GLRA1: variants seen among roughly 807,000 people sequenced by gnomAD.
GLRA1 encodes glycine receptor alpha 1.
A neutral mutation model predicts 48.3 loss-of-function variants in GLRA1; 37 were observed. The ratio of observed to expected loss-of-function variants is 0.77; its 90% confidence interval spans 0.59 to 1.01. The LOEUF (loss-of-function observed/expected upper bound fraction) is 1.01. GLRA1 is among the 50% of genes least tolerant of loss of function. GLRA1 has a pLI of 0.00. For missense variants in GLRA1, 427 were observed against 571.0 expected (o/e 0.75, Z 2.57); for synonymous variants, 196 against 210.7 (o/e 0.93, Z 0.60).
intron 7 of GLRA1, chr5:151,850,477 A>G (rs560680421): frequency 1.5e-5 from 16 of 1,040,366 alleles, no homozygotes; most frequent in Admixed American, 5.1e-5. Context: ...AATGGTCTGA[A>G]GTACACTGAG....
chr5:151,830,742 G>A (rs1452101931), intron 7 of GLRA1, among the ~76,000 whole-genome samples: 2 of 152,142 alleles, frequency 1.3e-5, no homozygotes, highest in East Asian at 1.9e-4. Flanking sequence ...CGAACTTTAC[G>A]GAATTAATTC....
chr5:151,877,886 A>G (rs1046439724), intron 3 of GLRA1, among the ~76,000 whole-genome samples: 51 of 152,340 alleles, frequency 3.3e-4, no homozygotes, highest in African/African-American at 1.2e-3. Flanking sequence ...TATCAGCAGC[A>G]TGAAAATGGA....
intron 8 of GLRA1, among the ~76,000 whole-genome samples, chr5:151,827,029 GTTTT>G (rs199505206): frequency 0.01 from 1,319 of 126,786 alleles, 21 homozygotes; most frequent in African/African-American, 0.036. Flanking sequence ...CTTTCTTTCT[GTTTT>G]TTTTTTTTTT....
intron 3 of GLRA1, among the ~76,000 whole-genome samples, chr5:151,866,785 A>T (rs1052072138): frequency 6.6e-6 from 1 of 152,028 alleles, no homozygotes; most frequent in African/African-American, 2.4e-5. Flanking sequence ...TCTACCACAC[A>T]AAATTGAAAG....
rs148032326 is a variant in GLRA1, at chr5:151,921,366, C to T, written c.56+3128G>A. 1.5e-4 allele frequency among the ~76,000 whole-genome samples: 23 copies of T among 152,308 alleles called. No individual in the cohort carries two copies. The East Asian group carries it at 3.9e-3, about 26-fold the overall frequency. The stretch of plus-strand genomic sequence containing the variant: ...CTGTACTGTGGTTTGAAACCTTGGA[C>T]AATTTTGTCTCCCCTTTGCCCAGGA... On this transcript the variant is annotated intron_variant, in intron 1 of 8. Coordinates refer to ENST00000274576, the MANE Select transcript of GLRA1 (RefSeq NM_000171.4).
chr5:151,856,421 C>T, intron 4 of GLRA1, 38 bp from the exon 5 acceptor site: 1 of 1,329,256 alleles, frequency 7.5e-7, no homozygotes. Context: ...GCAGGATCTG[C>T]ACATCAGGGA....
At chr5:151,853,381 G>A (rs561555766) in intron 6 of GLRA1, among the ~76,000 whole-genome samples, 2 of 151,814 alleles carry the variant, frequency 1.3e-5, no homozygotes, top group African/African-American at 4.8e-5. Flanking sequence ...AAGTAGCTGG[G>A]ATTACAGGTA....
At chr5:151,909,967 C>T (rs969339939) in intron 1 of GLRA1, among the ~76,000 whole-genome samples, 2 of 152,102 alleles carry the variant, frequency 1.3e-5, no homozygotes, top group African/African-American at 4.8e-5. Context: ...TCCAGTCACC[C>T]TGATGAGAGT....
intron 2 of GLRA1, among the ~76,000 whole-genome samples, chr5:151,889,991 A>G (rs1486894080): frequency 6.6e-6 from 1 of 152,156 alleles, no homozygotes; most frequent in African/African-American, 2.4e-5. Flanking sequence ...ATTGGGCCCA[A>G]GTGTTCCGAG....
Position 151,856,321 on chromosome 5 carries a change from C to A in GLRA1, c.539G>T (p.Cys180Phe). 6.2e-7 allele frequency: 1 copy of A among 1,611,210 alleles called. No individual in the cohort carries two copies. The highest frequency in any genetic ancestry group is 8.5e-7 in the Non-Finnish European group (1 of 1,177,752). ...LKNFPMDVQT[C>F]IMQLESFGYT... The stretch of plus-strand genomic sequence containing the variant: ...CTCACAGCTTTCCAGTTGCATGATA[C>A]ATGTCTGGACATCCATGGGGAAATT... Residue 180 changes from cysteine to phenylalanine, a missense_variant, in exon 5 of 9, where the codon TGT becomes TTT. Coordinates refer to ENST00000274576, the MANE Select transcript of GLRA1 (RefSeq NM_000171.4).
chr5:151,887,106 C>A (rs898529349), intron 2 of GLRA1, among the ~76,000 whole-genome samples: 2 of 152,204 alleles, frequency 1.3e-5, no homozygotes, highest in Non-Finnish European at 2.9e-5. Context: ...GGCTGCCTTT[C>A]AGCCACAAAT....
At chr5:151,894,426 T>C (rs945276889) in intron 1 of GLRA1, among the ~76,000 whole-genome samples, 30 of 152,308 alleles carry the variant, frequency 2.0e-4, no homozygotes, top group African/African-American at 6.0e-4. Context: ...TCTCCCAAAC[T>C]GAACACTACA....
Position 151,850,025 on chromosome 5 carries a change from G to A in GLRA1, c.912+1365C>T, listed in dbSNP as rs1041948596. ...GCAGTGACCAATTTGAGGCACACTTGTAAGTGGATAATGGACATGGTGAGC... is the reference window on the plus strand; with the variant it reads ...GCAGTGACCAATTTGAGGCACACTTATAAGTGGATAATGGACATGGTGAGC... On this transcript the variant is annotated intron_variant, in intron 7 of 8. Coordinates refer to ENST00000274576, the MANE Select transcript of GLRA1 (RefSeq NM_000171.4). 139 of 1,603,532 alleles carry A rather than the reference G, an allele frequency of 8.7e-5. 1 individual carries two copies. In the South Asian group the frequency reaches 1.5e-3, roughly 17 times the overall value.
At chr5:151,844,053 C>A (rs1752590645) in intron 7 of GLRA1, among the ~76,000 whole-genome samples, 1 of 151,246 alleles carries the variant, frequency 6.6e-6, no homozygotes, top group Non-Finnish European at 1.5e-5. Flanking sequence ...GCCTGTAATC[C>A]CAGCTACTGG....
chr5:151,865,003 G>T (rs1753294734), intron 3 of GLRA1, among the ~76,000 whole-genome samples: 1 of 152,172 alleles, frequency 6.6e-6, no homozygotes, highest in South Asian at 2.1e-4. Flanking sequence ...TCTGGAATTA[G>T]AACTTGGCTC....
At chr5:151,850,424 A>C in intron 7 of GLRA1, 1 of 1,184,480 alleles carries the variant, frequency 8.4e-7, no homozygotes, top group Non-Finnish European at 1.3e-6. Context: ...GGAAGTGTTC[A>C]GGCTGCCATA....
chr5:151,861,594 ATTTG>A (rs1753205998), intron 3 of GLRA1, among the ~76,000 whole-genome samples: 1 of 152,110 alleles, frequency 6.6e-6, no homozygotes, highest in African/African-American at 2.4e-5. Flanking sequence ...TTGCTTGTAA[ATTTG>A]TTTGAGTTCT....
At chr5:151,885,677 T>C (rs528451984) in intron 3 of GLRA1, among the ~76,000 whole-genome samples, 8 of 152,218 alleles carry the variant, frequency 5.3e-5, no homozygotes, top group African/African-American at 1.9e-4. Context: ...CTGTAAGCAA[T>C]CGGTGCAGCT....
At chr5:151,836,061 C>T (rs1763570819) in intron 7 of GLRA1, among the ~76,000 whole-genome samples, 1 of 152,168 alleles carries the variant, frequency 6.6e-6, no homozygotes, top group South Asian at 2.1e-4. Flanking sequence ...TTAGAAAACC[C>T]CATTGTCTCA....
Sources: allele counts gnomAD v4.1 joint callset (sites outside exome capture counted in the v4.1 genomes callset), GRCh38; gene constraint gnomAD v4.1.1; transcripts MANE v1.5; gene names NCBI Gene and HGNC (gene_info 2026-07-23, HGNC 2026-07-21).